NXPE2: variants seen among roughly 807,000 people sequenced by gnomAD.
NXPE2 encodes neurexophilin and PC-esterase domain family member 2.
Under a neutral mutation model 34.4 loss-of-function variants are expected in NXPE2, and 34 were observed. The observed-to-expected ratio is 0.99, with a 90% CI of 0.75 to 1.31. The LOEUF is 1.31. Among genes scored for constraint, NXPE2 ranks in the 40% most tolerant of loss-of-function variants. The pLI is 0.00. For missense variants in NXPE2, 649 were observed against 672.5 expected (o/e 0.97, Z 0.39); for synonymous variants, 235 against 231.3 (o/e 1.02, Z -0.15).
the NXPE2 span, among the ~76,000 whole-genome samples, chr11:114,776,465 T>G: frequency 6.6e-6 from 1 of 152,244 alleles, no homozygotes; most frequent in Non-Finnish European, 1.5e-5. Flanking sequence ...GAGAGACCTC[T>G]GGCTCGAGGC....
the NXPE2 span, among the ~76,000 whole-genome samples, chr11:114,546,586 G>A: frequency 1.3e-5 from 2 of 151,848 alleles, no homozygotes; most frequent in East Asian, 3.9e-4. Flanking sequence ...ACAGGCATGG[G>A]GCACCATGCC....
At chr11:114,670,049 G>A in the NXPE2 span, among the ~76,000 whole-genome samples, 1 of 152,028 alleles carries the variant, frequency 6.6e-6, no homozygotes, top group Non-Finnish European at 1.5e-5. Flanking sequence ...TAGCTAGGTA[G>A]AGCCCTATAG....
the NXPE2 span, among the ~76,000 whole-genome samples, chr11:114,720,833 T>A: frequency 2.6e-5 from 4 of 152,296 alleles, no homozygotes; most frequent in Admixed American, 2.6e-4. Context: ...CCAGGCACAG[T>A]TGAGCTCATG....
At chr11:114,791,582 G>C in the NXPE2 span, among the ~76,000 whole-genome samples, 2 of 152,192 alleles carry the variant, frequency 1.3e-5, no homozygotes, top group African/African-American at 4.8e-5. Context: ...ATTGAGTCAA[G>C]ATCAGACCCT....
chr11:114,733,839 C>G, the NXPE2 span, among the ~76,000 whole-genome samples: 1 of 152,212 alleles, frequency 6.6e-6, no homozygotes, highest in Non-Finnish European at 1.5e-5. Context: ...TGGCACCTTT[C>G]CTAAGAGTCC....
At chr11:114,632,542 A>G in the NXPE2 span, among the ~76,000 whole-genome samples, 1 of 119,432 alleles carries the variant, frequency 8.4e-6, no homozygotes, top group Non-Finnish European at 1.6e-5. Context: ...TATTTATTAT[A>G]TATGTATATA....
At chr11:114,575,310 A>G in the NXPE2 span, among the ~76,000 whole-genome samples, 1 of 151,978 alleles carries the variant, frequency 6.6e-6, no homozygotes, top group East Asian at 1.9e-4. Flanking sequence ...CTCACCACCT[A>G]TCTTCAACAT....
At chr11:114,657,330 T>C in the NXPE2 span, among the ~76,000 whole-genome samples, 30 of 152,280 alleles carry the variant, frequency 2.0e-4, no homozygotes, top group South Asian at 1.0e-3. Context: ...GTCTGTGAAC[T>C]TAGGTGGGAA....
chr11:114,611,414 A>G, the NXPE2 span, among the ~76,000 whole-genome samples: 1 of 151,254 alleles, frequency 6.6e-6, no homozygotes, highest in Non-Finnish European at 1.5e-5. Flanking sequence ...GTGGATAATA[A>G]GTATTGCCTC....
At chr11:114,675,192 C>G (rs966363339), upstream of NXPE2, among the ~76,000 whole-genome samples, 1 of 151,438 alleles carries the variant, frequency 6.6e-6, no homozygotes, top group African/African-American at 2.4e-5. Context: ...TATGACAAAC[C>G]CACAACTAAT....
chr11:114,550,941 G>A, the NXPE2 span, among the ~76,000 whole-genome samples: 1 of 152,090 alleles, frequency 6.6e-6, no homozygotes, highest in African/African-American at 2.4e-5. Context: ...GAGGTTGTTG[G>A]TGTCCACAAT....
At chr11:114,631,545 G>T in the NXPE2 span, among the ~76,000 whole-genome samples, 1 of 109,940 alleles carries the variant, frequency 9.1e-6, no homozygotes, top group African/African-American at 3.4e-5. Flanking sequence ...AGGGGGGAGG[G>T]ATAGCACTGG....
At chr11:114,745,582 A>G in the NXPE2 span, among the ~76,000 whole-genome samples, 1 of 152,228 alleles carries the variant, frequency 6.6e-6, no homozygotes, top group Non-Finnish European at 1.5e-5. Context: ...TAGCAAGAGC[A>G]ATATTTAAAT....
At chr11:114,511,949 A>G in the NXPE2 span, among the ~76,000 whole-genome samples, 2 of 152,218 alleles carry the variant, frequency 1.3e-5, no homozygotes, top group African/African-American at 2.4e-5. Flanking sequence ...CCATGAGCCA[A>G]TTGAACCTCT....
the NXPE2 span, chr11:114,523,078 T>C: frequency 1.2e-6 from 2 of 1,612,450 alleles, no homozygotes; most frequent in Non-Finnish European, 1.7e-6. Flanking sequence ...ATGTCTCTTC[T>C]ATTTTTTCTC....
chr11:114,585,341 A>T, the NXPE2 span, among the ~76,000 whole-genome samples: 3 of 152,106 alleles, frequency 2.0e-5, no homozygotes, highest in African/African-American at 7.2e-5. Context: ...ATGGTTGAGT[A>T]GATTTTAAAA....
At chr11:114,724,682 C>A in the NXPE2 span, among the ~76,000 whole-genome samples, 1 of 151,974 alleles carries the variant, frequency 6.6e-6, no homozygotes, top group Non-Finnish European at 1.5e-5. Context: ...CCCGCCACCA[C>A]CAAAAGGTCC....
At chr11:114,712,219 G>A in the NXPE2 span, among the ~76,000 whole-genome samples, 3 of 152,038 alleles carry the variant, frequency 2.0e-5, no homozygotes, top group Non-Finnish European at 4.4e-5. Flanking sequence ...AGAAGGGAAA[G>A]GATTTAGGAC....
downstream of NXPE2, among the ~76,000 whole-genome samples, chr11:114,711,083 G>A (rs1041887738): frequency 1.3e-5 from 2 of 151,928 alleles, no homozygotes; most frequent in Admixed American, 6.5e-5. Context: ...TGAATAGAGG[G>A]AAACTATCTC....
Sources: allele counts gnomAD v4.1 joint callset (sites outside exome capture counted in the v4.1 genomes callset), GRCh38; gene constraint gnomAD v4.1.1; transcripts MANE v1.5; gene names NCBI Gene and HGNC (gene_info 2026-07-23, HGNC 2026-07-21).